Variants in PCNT observed in about 807,000 individuals in gnomAD.
PCNT encodes the protein kendrin.
In PCNT, 319 loss-of-function variants were observed where a neutral mutation model predicts 380.4. The observed-to-expected ratio is 0.84, with a 90% CI of 0.77 to 0.92. PCNT has a LOEUF of 0.92. Ranked by LOEUF, PCNT falls within the 40% of genes least tolerant of loss-of-function variation. The pLI is 0.00. For synonymous variants in PCNT, 1,845 were observed against 1,735.2 expected, an observed-to-expected ratio of 1.06 and a Z score of -1.57; for missense variants, 4,400 against 4,255.3, an observed-to-expected ratio of 1.03 and a Z score of -0.95.
intron 39 of PCNT, among the ~76,000 whole-genome samples, chr21:46,436,644 T>G (rs2053463548): frequency 6.6e-6 from 1 of 152,202 alleles, no homozygotes; most frequent in Non-Finnish European, 1.5e-5. Flanking sequence ...GGACTTAATG[T>G]ATAGAGCAGC....
At chr21:46,370,171 G>A (rs1358126331) in intron 15 of PCNT, among the ~76,000 whole-genome samples, 1 of 151,982 alleles carries the variant, frequency 6.6e-6, no homozygotes, top group Non-Finnish European at 1.5e-5. Flanking sequence ...AGCTTCGTGG[G>A]GGCAGATGTG....
intron 27 of PCNT, among the ~76,000 whole-genome samples, chr21:46,408,982 C>T (rs550244511): frequency 1.3e-5 from 2 of 152,036 alleles, no homozygotes; most frequent in South Asian, 4.2e-4. Context: ...CCTCGGCTTC[C>T]CAAAGTACTG....
At position 46,326,602 on chromosome 21, in the gene PCNT, A is replaced by C; in HGVS notation, c.267+13A>C. The C allele has an allele frequency of 6.2e-7, 1 of 1,610,404 alleles. No homozygotes were observed. Among genetic ancestry groups the C allele is most frequent in the Non-Finnish European group, 8.5e-7 (1 of 1,176,650 alleles). ...CTTTGCAGCTCAGGTAGATTTGCTC[A>C]ATGTTGTATTTGAACATTTCGCTTA... On this transcript the variant is annotated intron_variant, in intron 2 of 46. Transcript: ENST00000359568.
chr21:46,378,052 A>G (rs901180425), intron 15 of PCNT, among the ~76,000 whole-genome samples: 1 of 151,970 alleles, frequency 6.6e-6, no homozygotes, highest in African/African-American at 2.4e-5. Context: ...CTTGCTTGGT[A>G]TGTGTTTTCT....
intron 33 of PCNT, 107 bp downstream of exon 33, chr21:46,426,078 T>C (rs11702810): frequency 0.04 from 21,635 of 536,654 alleles, 875 homozygotes; most frequent in Middle Eastern, 0.084. Context: ...TCTTTTTTTT[T>C]TTTTTTTTTT....
chr21:46,340,043 G>A (rs560982391), intron 3 of PCNT, among the ~76,000 whole-genome samples: 2 of 152,296 alleles, frequency 1.3e-5, no homozygotes, highest in South Asian at 4.1e-4. Flanking sequence ...GGTAATTAAG[G>A]AAGAGAGGTT....
chr21:46,353,659 A>G (rs1284734250), intron 10 of PCNT, among the ~76,000 whole-genome samples: 1 of 148,522 alleles, frequency 6.7e-6, no homozygotes, highest in African/African-American at 2.5e-5. Context: ...TGTTGGTGGC[A>G]GGGGCGCTCT....
At chr21:46,381,216 GTGTGTGTGTGTGTGTGTGT>G (rs2085527356) in intron 15 of PCNT, among the ~76,000 whole-genome samples, 1 of 94,754 alleles carries the variant, frequency 1.1e-5, no homozygotes, top group Non-Finnish European at 1.9e-5. Context: ...GTGTGTGTGT[GTGTGTGTGTGTGTGTGTGT>G]GTGTGTGTGT....
At chr21:46,331,667 G>A (rs911723963) in intron 2 of PCNT, among the ~76,000 whole-genome samples, 3 of 152,118 alleles carry the variant, frequency 2.0e-5, no homozygotes, top group Non-Finnish European at 4.4e-5. Context: ...TCAGGAGGCT[G>A]AGTTGGGAGG....
chr21:46,385,764 A>C (rs1280985461), intron 16 of PCNT, 68 bp from the exon 17 acceptor site: 1 of 1,525,060 alleles, frequency 6.6e-7, no homozygotes, highest in Non-Finnish European at 9.1e-7. Flanking sequence ...TTGTGTTGAA[A>C]GTCCCTTACA....
chr21:46,414,743 TCCTGGACACGCAGCCGCCCAC>T lies in PCNT; in HGVS notation c.6151-1322_6151-1302del. The stretch of plus-strand genomic sequence containing the variant: ...GACACACAGCTGCCCACCCTCCTCC[TCCTGGACACGCAGCCGCCCAC>T]CCTCCTCCTGGACACACAGCCGCCC... On this transcript the variant is annotated intron_variant, in intron 29 of 46. Transcript: ENST00000359568. Among the ~76,000 whole-genome samples the T allele has an allele frequency of 9.4e-5, 9 of 95,530 alleles. 1 individual carries two copies. Among genetic ancestry groups the T allele is most frequent in the African/African-American group, 5.2e-4 (7 of 13,590 alleles). 62.7% of individuals were successfully genotyped at this position (95,530 alleles called of 152,430 possible).
At chr21:46,369,389 G>C (rs781004783) in intron 15 of PCNT, among the ~76,000 whole-genome samples, 3 of 152,192 alleles carry the variant, frequency 2.0e-5, no homozygotes, top group Non-Finnish European at 4.4e-5. Flanking sequence ...GGTGCCTCTT[G>C]AGAGAAGCTG....
chr21:46,419,756 A>AC (rs1465760154), intron 31 of PCNT, among the ~76,000 whole-genome samples: 1 of 151,858 alleles, frequency 6.6e-6, no homozygotes, highest in Non-Finnish European at 1.5e-5. Context: ...TCTCTTATTT[A>AC]CCGAGACAGG....
intron 27 of PCNT, among the ~76,000 whole-genome samples, chr21:46,402,879 GA>G (rs539599672): frequency 6.6e-6 from 1 of 152,042 alleles, no homozygotes; most frequent in South Asian, 2.1e-4. Flanking sequence ...GGCATGATGG[GA>G]AAAAAATCTT....
In PCNT at chr21:46,425,955, A is replaced by T. The variant is rs373432697; in HGVS notation, c.7304A>T (p.His2435Leu). ...GACGAGATACAGGACATCTCGCTCC[A>T]TGGGGGAAAGACGCAGGTTTATTTT... ...KEDEIQDISLHGGKTQEVPTA... is the reference protein window; with the variant it reads ...KEDEIQDISLLGGKTQEVPTA... Residue 2435 changes from histidine to leucine, a missense_variant, in exon 33 of 47, where the codon CAT becomes CTT. Transcript: ENST00000359568. The surrounding 1 kb of genome is among the most constrained non-coding windows in gnomAD (Gnocchi z 4.2). 5.0e-6 allele frequency: 8 copies of T among 1,613,800 alleles called. No homozygotes were observed. The highest frequency in any genetic ancestry group is 1.3e-5 in the African/African-American group (1 of 74,872).
chr21:46,392,188 G>A (rs2086056228), intron 21 of PCNT, among the ~76,000 whole-genome samples: 2 of 152,062 alleles, frequency 1.3e-5, no homozygotes, highest in Admixed American at 6.5e-5. Flanking sequence ...TTTTGCCCTT[G>A]TTCGTGTGAT....
At chr21:46,430,798 C>T (rs911711726) in intron 37 of PCNT, 141 bp downstream of exon 37, 91 of 1,517,528 alleles carry the variant, frequency 6.0e-5, no homozygotes, top group Non-Finnish European at 7.6e-5. Flanking sequence ...CAGGATAGGG[C>T]TGTGTTTGCA....
At position 46,347,384 on chromosome 21, in the gene PCNT, C is replaced by A; in HGVS notation, c.977-73C>A. 2.0e-6 allele frequency: 3 copies of A among 1,482,368 alleles called. No individual in the cohort carries two copies. In the South Asian group the frequency reaches 3.4e-5, roughly 17 times the overall value. The allele number at this position is 1,482,368 out of a possible 1,614,324, so 91.8% of individuals were successfully genotyped here. ...TGTCCAGTGGGTGCCAGAGCCTGGT[C>A]GTTTCCTGGGCAGTTGGGTCACTGA... is the stretch of plus-strand genomic sequence containing the variant. On this transcript the variant is annotated intron_variant, in intron 5 of 46. Transcript: ENST00000359568.
intron 4 of PCNT, 72 bp downstream of exon 4, chr21:46,346,280 G>A: frequency 1.3e-6 from 1 of 756,222 alleles, no homozygotes; most frequent in Admixed American, 1.8e-5. Flanking sequence ...TGGGCATCCG[G>A]GTGGGGGTGG....
Sources: allele counts gnomAD v4.1 joint callset (sites outside exome capture counted in the v4.1 genomes callset), GRCh38; gene constraint gnomAD v4.1.1; non-coding constraint Gnocchi (gnomAD v3.1); transcripts MANE v1.5; gene names NCBI Gene and HGNC (gene_info 2026-07-23, HGNC 2026-07-21).